Variants in AFDN observed in about 807,000 individuals in gnomAD.
AFDN encodes the protein afadin.
A neutral mutation model predicts 216.6 loss-of-function variants in AFDN; 68 were observed. The ratio of observed to expected loss-of-function variants is 0.31; its 90% CI spans 0.26 to 0.38. AFDN has a LOEUF of 0.38. AFDN is among the 10% of genes least tolerant of loss of function. The pLI, the probability that AFDN is intolerant of heterozygous loss-of-function variation, is 1.00. For synonymous variants in AFDN, 868 were observed against 853.7 expected (o/e 1.02, Z -0.29); for missense variants, 2,136 against 2,342.0 (o/e 0.91, Z 1.82).
chr6:167,901,310 T>G (rs1295216052), intron 11 of AFDN, among the ~76,000 whole-genome samples: 1 of 152,170 alleles, frequency 6.6e-6, no homozygotes, highest in Non-Finnish European at 1.5e-5. Flanking sequence ...GGCTTTTTTT[T>G]GTGGAGGTGG....
At chr6:167,883,769 G>A (rs894609568) in intron 6 of AFDN, among the ~76,000 whole-genome samples, 3 of 152,226 alleles carry the variant, frequency 2.0e-5, no homozygotes, top group Admixed American at 1.3e-4. Flanking sequence ...TTGCGTGGAT[G>A]TTGATAGCCA....
intron 1 of AFDN, among the ~76,000 whole-genome samples, chr6:167,846,072 A>G (rs895775132): frequency 1.3e-5 from 2 of 152,192 alleles, no homozygotes; most frequent in African/African-American, 2.4e-5. Context: ...CTCCCTTGAC[A>G]TAAGGGGATT....
At position 167,917,174 on chromosome 6, in the gene AFDN, A is replaced by C. The variant is rs781266461; in HGVS notation, c.2651A>C (p.Gln884Pro). The change falls in exon 20 of 34, where the codon CAA (glutamine) becomes CCA (proline). Residue 884 changes from glutamine to proline, a missense_variant. Physicochemically the swap from Gln to Pro is moderately conservative, Grantham distance 76. Transcript: ENST00000683244. ...ACCTGCTTTAAGTTAAATTCATTAC[A>C]ACTTCAAGCCTTATTACAGAACTAT... ...NSTCFKLNSL[Q>P]LQALLQNYHC... is the part of the protein sequence containing the mutation. The C allele has an allele frequency of 6.2e-7, 1 of 1,612,330 alleles. No homozygotes were observed. Among genetic ancestry groups the C allele is most frequent in the Admixed American group, 1.7e-5 (1 of 59,516 alleles).
chr6:167,952,470 A>G, intron 30 of AFDN: 1 of 985,432 alleles, frequency 1.0e-6, no homozygotes, highest in South Asian at 4.7e-5. Flanking sequence ...TTTCCTTAAC[A>G]CTTCCAGTTG....
In AFDN at chr6:167,948,482, A is replaced by G. The variant is rs772123570; in HGVS notation, c.3831+4A>G. 4.3e-6 allele frequency: 7 copies of G among 1,612,208 alleles called. No individual in the cohort carries two copies. The African/African-American group carries it at 5.3e-5, about 12-fold the overall frequency. On this transcript the variant is annotated splice_donor_region_variant and intron_variant, in intron 29 of 33. Coordinates refer to ENST00000683244, the MANE Select transcript of AFDN (RefSeq NM_001386888.1). ...TCATTCCAGTATTGCAATTCAGGTT[A>G]GAAATCAAAGATTCCACACACTTTT...
chr6:167,933,286 T>C (rs1793557636), intron 23 of AFDN, among the ~76,000 whole-genome samples: 1 of 152,242 alleles, frequency 6.6e-6, no homozygotes, highest in African/African-American at 2.4e-5. Flanking sequence ...TTTTAGACAA[T>C]GTACTGATTT....
At chr6:167,922,804 T>G in intron 21 of AFDN, 52 bp from the exon 22 acceptor site, 1 of 1,251,386 alleles carries the variant, frequency 8.0e-7, no homozygotes. Flanking sequence ...TTGCTTCCTT[T>G]ATCTTGACAA....
At chr6:167,939,144 A>G (rs891778636) in intron 23 of AFDN, among the ~76,000 whole-genome samples, 1 of 152,194 alleles carries the variant, frequency 6.6e-6, no homozygotes, top group African/African-American at 2.4e-5. Context: ...CCTTGTTTAT[A>G]ATAGTGTCAC....
At chr6:167,919,438 T>C (rs557577161) in intron 21 of AFDN, among the ~76,000 whole-genome samples, 2 of 152,332 alleles carry the variant, frequency 1.3e-5, no homozygotes, top group African/African-American at 2.4e-5. Flanking sequence ...GAAATGGGCA[T>C]GTTGATAGTA....
intron 17 of AFDN, 75 bp downstream of exon 17, chr6:167,914,388 C>G (rs1313631253): frequency 1.3e-6 from 2 of 1,546,964 alleles, no homozygotes; most frequent in Admixed American, 3.8e-5. Context: ...GTTTTCCAAA[C>G]TAATTTTAAG....
intron 3 of AFDN, among the ~76,000 whole-genome samples, chr6:167,871,274 T>G (rs1784764819): frequency 6.6e-6 from 1 of 152,208 alleles, no homozygotes; most frequent in Non-Finnish European, 1.5e-5. Context: ...TGTGTCATAT[T>G]TGCAGCAAAT....
rs1340049858 is a variant in AFDN at position 167,962,488 on chromosome 6, A to C, written c.4889A>C (p.Glu1630Ala). ...CAGTTAGAAGAGATGCGCAAGCGGG[A>C]AGCGGAAGACCGAGCGAGGCAAGAG... is the stretch of plus-strand genomic sequence containing the variant. ...QQQLEEMRKR[E>A]AEDRARQEEE... Residue 1630 changes from glutamate to alanine, a missense_variant, in exon 31 of 34, where the codon GAA becomes GCA. Around this residue, in one of 8 missense-constraint regions of AFDN, gnomAD observed 981 missense variants for 966.0 expected, o/e 1.02. Coordinates refer to ENST00000683244, the MANE Select transcript of AFDN (RefSeq NM_001386888.1). This position sits in a 1 kb window ranked among gnomAD's most constrained non-coding sequence, Gnocchi z 5.2. 2 of 1,613,612 alleles carry C rather than the reference A, an allele frequency of 1.2e-6. No homozygotes were observed. Among genetic ancestry groups the C allele is most frequent in the African/African-American group, 2.7e-5 (2 of 74,896 alleles).
intron 1 of AFDN, among the ~76,000 whole-genome samples, chr6:167,863,279 T>A (rs547475393): frequency 2.6e-5 from 4 of 152,332 alleles, no homozygotes; most frequent in African/African-American, 9.6e-5. Context: ...ATAGTTCTGG[T>A]TCCAAGCATT....
intron 1 of AFDN, among the ~76,000 whole-genome samples, chr6:167,830,932 A>ATTTT (rs1352100226): frequency 1.2e-5 from 1 of 81,982 alleles, no homozygotes; most frequent in African/African-American, 5.6e-5. Context: ...TATATTTGAA[A>ATTTT]CTTTTTTTTT....
chr6:167,902,379 C>T lies in AFDN; in HGVS notation c.1643C>T (p.Thr548Ile), dbSNP rs146682976. Reference sequence around the variant, plus strand: ...ATTCATAGTGGGACAGCATTACCGACAAGCAAGGTAGGTAATTATGGATTA... The same window carrying T: ...ATTCATAGTGGGACAGCATTACCGATAAGCAAGGTAGGTAATTATGGATTA... ...GDIHSGTALPTSKSTTRLDSD... is the reference protein window; with the variant it reads ...GDIHSGTALPISKSTTRLDSD... The change falls in exon 12 of 34, where the codon ACA becomes ATA. Residue 548 changes from threonine (T) to isoleucine (I), a missense_variant. This residue lies in a region of AFDN where 817 missense variants were observed against 965.7 expected (regional missense o/e 0.85). Transcript: ENST00000683244. The T allele has an allele frequency of 1.2e-6, 2 of 1,611,256 alleles. No individual in the cohort carries two copies. Among genetic ancestry groups the T allele is most frequent in the East Asian group, 4.5e-5 (2 of 44,768 alleles).
intron 20 of AFDN, 60 bp downstream of exon 20, chr6:167,917,292 G>A: frequency 7.2e-7 from 1 of 1,386,584 alleles, no homozygotes; most frequent in African/African-American, 1.5e-5. Context: ...GGGACATTTG[G>A]ATGAAAAAAC....
chr6:167,864,361 T>C, intron 1 of AFDN, 190 bp from the exon 2 acceptor site: 3 of 762,818 alleles, frequency 3.9e-6, no homozygotes, highest in Non-Finnish European at 7.2e-6. Flanking sequence ...CAAAGAGAAA[T>C]TGTTAGTAAC....
chr6:167,880,767 C>G (rs1035821532), intron 6 of AFDN, among the ~76,000 whole-genome samples: 15 of 152,060 alleles, frequency 9.9e-5, no homozygotes, highest in Admixed American at 8.5e-4. Context: ...ACCCCAAAAT[C>G]AATTGACCAC....
chr6:167,855,321 C>T (rs778995789), intron 1 of AFDN, among the ~76,000 whole-genome samples: 2 of 152,042 alleles, frequency 1.3e-5, no homozygotes, highest in East Asian at 1.9e-4. Context: ...CAAGTTGTCT[C>T]CTGCCTCCAG....
Sources: allele counts gnomAD v4.1 joint callset (sites outside exome capture counted in the v4.1 genomes callset), GRCh38; gene constraint gnomAD v4.1.1; regional missense constraint gnomAD v4.1.1; non-coding constraint Gnocchi (gnomAD v3.1); transcripts MANE v1.5; gene names NCBI Gene and HGNC (gene_info 2026-07-23, HGNC 2026-07-21).